The following TMEM132D variants were observed in gnomAD, a reference collection of about 807,000 sequenced individuals.
The protein encoded by TMEM132D is mature OL transmembrane protein.
Under a neutral mutation model 62.3 loss-of-function variants are expected in TMEM132D, and 21 were observed. The ratio of observed to expected loss-of-function variants is 0.34; its 90% confidence interval spans 0.24 to 0.49. TMEM132D has a LOEUF of 0.49. Among genes scored for constraint, TMEM132D ranks in the 20% least tolerant of loss-of-function variants. The pLI is 0.99. For synonymous variants in TMEM132D, 621 were observed against 575.6 expected (o/e 1.08, Z -1.13); for missense variants, 1,346 against 1,402.8 (o/e 0.96, Z 0.65).
chr12:129,583,310 T>C (rs1308875557), intron 2 of TMEM132D, among the ~76,000 whole-genome samples: 1 of 152,150 alleles, frequency 6.6e-6, no homozygotes, highest in Non-Finnish European at 1.5e-5. Flanking sequence ...AAGCAGATCA[T>C]TGGCTGCCTG....
chr12:129,515,577 T>C (rs934738048), intron 3 of TMEM132D, among the ~76,000 whole-genome samples: 4 of 152,166 alleles, frequency 2.6e-5, no homozygotes, highest in African/African-American at 2.4e-5. Flanking sequence ...AATGCCACTA[T>C]GACCTCCTCC....
intron 1 of TMEM132D, among the ~76,000 whole-genome samples, chr12:129,895,047 C>T (rs1245131368): frequency 1.3e-5 from 2 of 152,160 alleles, no homozygotes; most frequent in African/African-American, 4.8e-5. Context: ...TGGACAGCCA[C>T]CTCTGATACA....
intron 5 of TMEM132D, among the ~76,000 whole-genome samples, chr12:129,087,469 G>A (rs541604458): frequency 6.6e-6 from 1 of 150,562 alleles, no homozygotes; most frequent in African/African-American, 2.4e-5. Flanking sequence ...AGATTACTTG[G>A]GTGGGCCCTA....
At chr12:129,529,051 C>T (rs1593052628) in intron 3 of TMEM132D, among the ~76,000 whole-genome samples, 2 of 152,144 alleles carry the variant, frequency 1.3e-5, no homozygotes, top group South Asian at 2.1e-4. Context: ...ACATATTATA[C>T]ACATATAACA....
intron 2 of TMEM132D, among the ~76,000 whole-genome samples, chr12:129,534,670 AAG>A (rs1376734495): frequency 6.6e-6 from 1 of 152,170 alleles, no homozygotes; most frequent in Non-Finnish European, 1.5e-5. Flanking sequence ...CTTGTAAGTC[AAG>A]AGTTTCTCCC....
At chr12:129,292,671 A>G (rs1346279307) in intron 4 of TMEM132D, among the ~76,000 whole-genome samples, 1 of 152,234 alleles carries the variant, frequency 6.6e-6, no homozygotes, top group African/African-American at 2.4e-5. Flanking sequence ...AGAAAGTGCA[A>G]TTGATAATAT....
intron 3 of TMEM132D, among the ~76,000 whole-genome samples, chr12:129,508,755 A>G (rs1385089610): frequency 6.6e-6 from 1 of 151,918 alleles, no homozygotes; most frequent in Non-Finnish European, 1.5e-5. Context: ...AAAAAAATCA[A>G]TGAGTAATCA....
chr12:129,477,640 G>C (rs555718258), intron 3 of TMEM132D, among the ~76,000 whole-genome samples: 7 of 152,198 alleles, frequency 4.6e-5, no homozygotes, highest in Admixed American at 2.0e-4. Flanking sequence ...CTAACACGGT[G>C]AAACCCCGTC....
intron 3 of TMEM132D, among the ~76,000 whole-genome samples, chr12:129,474,203 G>A (rs1419695774): frequency 6.6e-6 from 1 of 152,184 alleles, no homozygotes; most frequent in Non-Finnish European, 1.5e-5. Flanking sequence ...CTCGGGAACA[G>A]GAGTCTCCAA....
chr12:129,285,607 T>C (rs892549147), intron 4 of TMEM132D, among the ~76,000 whole-genome samples: 2 of 151,192 alleles, frequency 1.3e-5, no homozygotes, highest in African/African-American at 4.9e-5. Flanking sequence ...CCAGCTACCA[T>C]TGGTGTATTA....
intron 8 of TMEM132D, among the ~76,000 whole-genome samples, chr12:129,076,246 A>C (rs896451462): frequency 6.6e-6 from 1 of 152,254 alleles, no homozygotes; most frequent in Non-Finnish European, 1.5e-5. Flanking sequence ...CCATAGGAAG[A>C]CAATAATGAA....
At chr12:129,305,201 T>G (rs1881819668) in intron 4 of TMEM132D, among the ~76,000 whole-genome samples, 1 of 152,118 alleles carries the variant, frequency 6.6e-6, no homozygotes, top group Non-Finnish European at 1.5e-5. Flanking sequence ...TAAATATTGG[T>G]TGAATTGAAA....
At chr12:129,636,123 T>C (rs1047847772) in intron 2 of TMEM132D, among the ~76,000 whole-genome samples, 2 of 152,206 alleles carry the variant, frequency 1.3e-5, no homozygotes, top group Non-Finnish European at 2.9e-5. Flanking sequence ...TGGCTATCCT[T>C]AGAGGCAATA....
chr12:129,879,234 C>T (rs1390869603), intron 1 of TMEM132D, among the ~76,000 whole-genome samples: 1 of 152,176 alleles, frequency 6.6e-6, no homozygotes, highest in Non-Finnish European at 1.5e-5. Context: ...AAGTCTATGC[C>T]TCAGTCCTAC....
chr12:129,332,518 T>A (rs1869141885), intron 4 of TMEM132D, among the ~76,000 whole-genome samples: 1 of 151,622 alleles, frequency 6.6e-6, no homozygotes, highest in Non-Finnish European at 1.5e-5. Flanking sequence ...GGACCTCAGA[T>A]CCTTGACAAC....
chr12:129,174,439 T>C (rs1184705971), intron 5 of TMEM132D, among the ~76,000 whole-genome samples: 1 of 152,254 alleles, frequency 6.6e-6, no homozygotes, highest in Non-Finnish European at 1.5e-5. Context: ...TATTATTCCA[T>C]GGTGTATATG....
At chr12:129,663,389 C>T (rs1451627112) in intron 2 of TMEM132D, among the ~76,000 whole-genome samples, 1 of 152,218 alleles carries the variant, frequency 6.6e-6, no homozygotes, top group East Asian at 1.9e-4. Context: ...CCACCCACCT[C>T]AGCCTTCCAA....
intron 2 of TMEM132D, among the ~76,000 whole-genome samples, chr12:129,548,193 C>T (rs905119293): frequency 3.9e-5 from 6 of 152,256 alleles, no homozygotes; most frequent in Admixed American, 6.5e-5. Context: ...TTGGGGTTCC[C>T]GCCTATATCC....
chr12:129,167,769 C>A (rs1304506280), intron 5 of TMEM132D, among the ~76,000 whole-genome samples: 1 of 151,440 alleles, frequency 6.6e-6, no homozygotes, highest in African/African-American at 2.4e-5. Flanking sequence ...GGCAGTTTGC[C>A]CAATTGGGAG....
Sources: gnomAD v4.1 joint callset for allele counts (sites outside exome capture counted in the v4.1 genomes callset) on GRCh38, gnomAD v4.1.1 for gene constraint, MANE v1.5 for transcripts, NCBI Gene and HGNC (gene_info 2026-07-23, HGNC 2026-07-21) for gene names.